SFXN4: variants seen among roughly 807,000 people sequenced by gnomAD.
SFXN4 encodes the protein sideroflexin-4.
In SFXN4, 48 loss-of-function variants were observed where a neutral mutation model predicts 54.6. The ratio of observed to expected loss-of-function variants is 0.88; its 90% CI spans 0.70 to 1.12. The LOEUF (loss-of-function observed/expected upper bound fraction) is 1.12. SFXN4 is among the 50% of genes most tolerant of loss of function. The probability of loss-of-function intolerance (pLI) is 0.00; values close to 1 mark genes in which losing one functional copy is unlikely to be tolerated. For synonymous variants in SFXN4, 130 were observed against 145.5 expected, an observed-to-expected ratio of 0.89 and a Z score of 0.77; for missense variants, 383 against 409.2, an observed-to-expected ratio of 0.94 and a Z score of 0.55.
At chr10:119,160,316 G>A (rs1266007447) in intron 5 of SFXN4, among the ~76,000 whole-genome samples, 1 of 152,030 alleles carries the variant, frequency 6.6e-6, no homozygotes, top group Non-Finnish European at 1.5e-5. Flanking sequence ...GACCAGCCTG[G>A]CCAACATAGT....
intron 11 of SFXN4, among the ~76,000 whole-genome samples, chr10:119,154,415 G>A (rs1330815738): frequency 7.2e-5 from 11 of 152,070 alleles, no homozygotes; most frequent in African/African-American, 1.4e-4. Context: ...GCCCAGGTGC[G>A]GTGGTGCACA....
chr10:119,158,412 G>A (rs1319509799), intron 6 of SFXN4, among the ~76,000 whole-genome samples: 1 of 152,026 alleles, frequency 6.6e-6, no homozygotes, highest in Non-Finnish European at 1.5e-5. Flanking sequence ...CTTGAGGCCA[G>A]GAGTTGACCA....
At chr10:119,143,906 G>A (rs1386677652) in intron 13 of SFXN4, among the ~76,000 whole-genome samples, 3 of 152,136 alleles carry the variant, frequency 2.0e-5, no homozygotes, top group South Asian at 2.1e-4. Context: ...ATGAGCCACC[G>A]TGCCTGGCCT....
At chr10:119,164,237 G>C in intron 1 of SFXN4, 41 bp from the exon 2 acceptor site, 5 of 1,038,494 alleles carry the variant, frequency 4.8e-6, no homozygotes, top group Non-Finnish European at 2.8e-6. Context: ...AATGGCAGCA[G>C]AAAAATAAAG....
chr10:119,164,552 A>T (rs765985943), intron 1 of SFXN4, among the ~76,000 whole-genome samples: 1 of 152,112 alleles, frequency 6.6e-6, no homozygotes, highest in African/African-American at 2.4e-5. Flanking sequence ...AATGGCCTAG[A>T]ATATCTCAAG....
chr10:119,164,805 G>A (rs1847701703), intron 1 of SFXN4, among the ~76,000 whole-genome samples: 1 of 151,762 alleles, frequency 6.6e-6, no homozygotes, highest in Non-Finnish European at 1.5e-5. Context: ...CCCACTTTAG[G>A]AGAGGCCTCA....
chr10:119,158,280 A>G lies in SFXN4; in HGVS notation c.361-218T>C, dbSNP rs1286606672. 3 of 583,550 alleles carry G rather than the reference A, an allele frequency of 5.1e-6. No individual in the cohort carries two copies. In the Admixed American group the frequency reaches 8.8e-5, roughly 17 times the overall value. The allele number at this position is 583,550 out of a possible 1,614,324, so 36.1% of individuals were successfully genotyped here. ...GCTCTAAGGACATCCAGGGTCGAAC[A>G]GCAGGCCGTGTCTCCAGGGCCTTAG... On this transcript the variant is annotated intron_variant, in intron 6 of 13. Coordinates refer to ENST00000355697, the MANE Select transcript of SFXN4 (RefSeq NM_213649.2).
Position 119,141,289 on chromosome 10 carries a change from G to C in SFXN4, c.967C>G (p.Gln323Glu), listed in dbSNP as rs1309261873. Residue 323 changes from glutamine (Q) to glutamate (E), a missense_variant, in exon 14 of 14, where the codon CAG (glutamine) becomes GAG (glutamate). Gln to Glu is a conservative substitution (Grantham distance 29). Transcript: ENST00000355697. ...IQYCSLEEKI[Q>E]SPTEETEIFY... ...ATTTCTGTTTCTTCTGTTGGAGACTGAATTTTCTCTTCAAGACTACAGTAC... is the reference window on the plus strand; with the variant it reads ...ATTTCTGTTTCTTCTGTTGGAGACTCAATTTTCTCTTCAAGACTACAGTAC... The C allele has an allele frequency of 6.2e-7, 1 of 1,610,672 alleles. No homozygotes were observed. The highest frequency in any genetic ancestry group is 1.1e-5 in the South Asian group (1 of 90,970).
intron 11 of SFXN4, among the ~76,000 whole-genome samples, chr10:119,153,933 G>T (rs181437636): frequency 8.9e-4 from 135 of 152,108 alleles, no homozygotes; most frequent in African/African-American, 2.3e-3. Context: ...ATCCCCGTAC[G>T]TTGGGAGGCC....
At position 119,158,020 on chromosome 10, in the gene SFXN4, T is replaced by G. The variant is rs1207185850; in HGVS notation, c.403A>C (p.Ile135Leu). 6.2e-7 allele frequency: 1 copy of G among 1,614,166 alleles called. No individual in the cohort carries two copies. The highest frequency in any genetic ancestry group is 1.7e-5 in the Admixed American group (1 of 60,016). Residue 135 changes from isoleucine (I) to leucine (L), a missense_variant, in exon 7 of 14, where the codon ATT becomes CTT. Coordinates refer to ENST00000355697, the MANE Select transcript of SFXN4 (RefSeq NM_213649.2). The stretch of plus-strand genomic sequence containing the variant: ...GGAAGAATGGCTACCTGAGGTAAAA[T>G]CACGGACTTGATCCCTTTCAGTGGC... ...MTPLKGIKSV[I>L]LPQVFLCAYM... is the part of the protein sequence containing the mutation.
chr10:119,144,812 T>C (rs1436171730), intron 13 of SFXN4, among the ~76,000 whole-genome samples: 1 of 152,138 alleles, frequency 6.6e-6, no homozygotes, highest in Non-Finnish European at 1.5e-5. Flanking sequence ...TACAATTCAG[T>C]TCCCTAGTCA....
At chr10:119,151,121 G>C (rs570934482) in intron 11 of SFXN4, among the ~76,000 whole-genome samples, 1 of 152,338 alleles carries the variant, frequency 6.6e-6, no homozygotes, top group African/African-American at 2.4e-5. Context: ...TGTAATCCCA[G>C]CACTTTGGGA....
intron 11 of SFXN4, among the ~76,000 whole-genome samples, chr10:119,152,790 AC>A (rs1847123199): frequency 6.6e-6 from 1 of 152,118 alleles, no homozygotes; most frequent in Non-Finnish European, 1.5e-5. Flanking sequence ...GATGGAATGA[AC>A]AACCATCTTT....
rs1474863361 is a variant in SFXN4, at chr10:119,161,180, C to A, written c.253-99G>T. ...CAGGGCTGGGGTATAGTGGCACAATCATCACTCACTGCAGAACAGCCTCGA... is the reference window on the plus strand; with the variant it reads ...CAGGGCTGGGGTATAGTGGCACAATAATCACTCACTGCAGAACAGCCTCGA... On this transcript the variant is annotated intron_variant, in intron 3 of 13. Coordinates refer to ENST00000355697, the MANE Select transcript of SFXN4 (RefSeq NM_213649.2). 9 of 1,149,274 alleles carry A rather than the reference C, an allele frequency of 7.8e-6. No individual in the cohort carries two copies. In the East Asian group the frequency reaches 2.0e-4, roughly 25 times the overall value. 71.2% of individuals were successfully genotyped at this position (1,149,274 alleles called of 1,614,324 possible).
At chr10:119,158,615 CAAAAAAAAAAA>C (rs35982987) in intron 6 of SFXN4, among the ~76,000 whole-genome samples, 3 of 65,706 alleles carry the variant, frequency 4.6e-5, no homozygotes, top group Non-Finnish European at 7.9e-5. Flanking sequence ...GACTCCGTCT[CAAAAAAAAAAA>C]AAAAAAAAAA....
Position 119,149,376 on chromosome 10 carries a change from C to T in SFXN4, c.733-1516G>A, listed in dbSNP as rs376662128. Among the ~76,000 whole-genome samples, 103 of 152,304 alleles carry T rather than the reference C, an allele frequency of 6.8e-4. 2 individuals carry two copies. Among genetic ancestry groups the T allele is most frequent in the African/African-American group, 2.4e-3 (101 of 41,568 alleles). ...CCTCTGCCCTGCTGTGGGTGACAGT[C>T]ACGCTTGCATGGTTCCCTCTGCAGG... On this transcript the variant is annotated intron_variant, in intron 11 of 13. Transcript: ENST00000355697.
At chr10:119,159,447 C>T (rs1266190814) in intron 6 of SFXN4, among the ~76,000 whole-genome samples, 7 of 152,108 alleles carry the variant, frequency 4.6e-5, no homozygotes, top group Admixed American at 1.3e-4. Flanking sequence ...CCGCTTCTAC[C>T]GTGCTCTGCG....
intron 11 of SFXN4, among the ~76,000 whole-genome samples, chr10:119,149,281 C>A (rs1450541636): frequency 6.6e-6 from 1 of 152,162 alleles, no homozygotes; most frequent in African/African-American, 2.4e-5. Context: ...CCACTTCCAG[C>A]TTCCCATGAT....
At chr10:119,157,012 C>T (rs1847303329) in intron 9 of SFXN4, among the ~76,000 whole-genome samples, 1 of 152,176 alleles carries the variant, frequency 6.6e-6, no homozygotes, top group Non-Finnish European at 1.5e-5. Flanking sequence ...AGGATGAGGG[C>T]CCAGGCTTGT....
Sources: allele counts gnomAD v4.1 joint callset (sites outside exome capture counted in the v4.1 genomes callset), GRCh38; gene constraint gnomAD v4.1.1; transcripts MANE v1.5; gene names NCBI Gene and HGNC (gene_info 2026-07-23, HGNC 2026-07-21).